KHDC1: variants seen among roughly 807,000 people sequenced by gnomAD.
KHDC1 encodes the protein KH domain containing 1.
A neutral mutation model predicts 24.7 loss-of-function variants in KHDC1; 21 were observed. The ratio of observed to expected loss-of-function variants is 0.85; its 90% confidence interval spans 0.60 to 1.23. The LOEUF is 1.23. KHDC1 is among the 50% of genes most tolerant of loss of function. The pLI is 0.00. For synonymous variants in KHDC1, 98 were observed against 111.7 expected (o/e 0.88, Z 0.77); for missense variants, 274 against 298.5 (o/e 0.92, Z 0.61).
intron 1 of KHDC1, among the ~76,000 whole-genome samples, chr6:73,295,499 T>C (rs1767740845): frequency 6.6e-6 from 1 of 151,566 alleles, no homozygotes; most frequent in Admixed American, 6.6e-5. Context: ...ACTCAGGAGT[T>C]TGAGACCAGC....
chr6:73,286,149 C>T (rs920694027), intron 2 of KHDC1, among the ~76,000 whole-genome samples: 1 of 152,192 alleles, frequency 6.6e-6, no homozygotes, highest in Non-Finnish European at 1.5e-5. Flanking sequence ...ATCCTGCTGC[C>T]AAACCATACC....
At chr6:73,241,687 T>G in exon 5 of KHDC1, 1 of 1,614,146 alleles carries the variant, frequency 6.2e-7, no homozygotes. Context: ...AGGTCATCGT[T>G]GGTCAGAGGC....
chr6:73,263,952 A>T (rs1210992397), intron 2 of KHDC1, among the ~76,000 whole-genome samples: 1 of 152,198 alleles, frequency 6.6e-6, no homozygotes, highest in Non-Finnish European at 1.5e-5. Context: ...TAATCCCAAC[A>T]CTTTGGGAGG....
intron 2 of KHDC1, chr6:73,291,970 G>C: frequency 6.2e-7 from 1 of 1,612,838 alleles, no homozygotes; most frequent in Non-Finnish European, 8.5e-7. Context: ...AGATGGCGGG[G>C]TACGACTTAA....
At chr6:73,278,257 T>TC (rs1441708932) in intron 2 of KHDC1, among the ~76,000 whole-genome samples, 3 of 151,432 alleles carry the variant, frequency 2.0e-5, no homozygotes, top group Non-Finnish European at 2.9e-5. Flanking sequence ...CCTCAAGTGA[T>TC]CCCCCCACCT....
chr6:73,263,289 G>A (rs1205208674), intron 2 of KHDC1, 93 bp from the exon 1 acceptor site: 5 of 985,528 alleles, frequency 5.1e-6, no homozygotes, highest in Non-Finnish European at 4.8e-6. Flanking sequence ...AGCCTGCGGA[G>A]CCCACTGCCG....
At chr6:73,242,458 A>C in exon 3 of KHDC1, 1 of 1,614,202 alleles carries the variant, frequency 6.2e-7, no homozygotes. Flanking sequence ...TTGGTGCATG[A>C]AAGTTTTGAG....
At chr6:73,284,688 A>G (rs1466860808) in intron 2 of KHDC1, 1 of 152,076 alleles carries the variant, frequency 6.6e-6, no homozygotes, top group Admixed American at 6.6e-5. Context: ...GATGATTACA[A>G]CATTGCTGGA....
intron 2 of KHDC1, among the ~76,000 whole-genome samples, chr6:73,256,839 C>T (rs1368964502): frequency 6.6e-6 from 1 of 152,164 alleles, no homozygotes; most frequent in African/African-American, 2.4e-5. Context: ...TCTCCTCATG[C>T]TAAGGTTTAT....
rs539979246 is a variant in KHDC1 at position 73,285,649 on chromosome 6, C to CT, written c.206+6348dup. 4.0e-3 allele frequency among the ~76,000 whole-genome samples: 514 copies of CT among 130,064 alleles called. 2 individuals carry two copies. Among genetic ancestry groups the CT allele is most frequent in the East Asian group, 0.032 (123 of 3,866 alleles). 85.3% of individuals were successfully genotyped at this position (130,064 alleles called of 152,430 possible). A position where few individuals can be genotyped will look rare whatever the true frequency, so the allele number is the denominator to read the frequency against. ...GTGCCCGGCCCATTTTCTTTTTTTT[C>CT]TTTTTTTTTTTTTTTTATTATACTC... On this transcript the variant is annotated intron_variant, in intron 2 of 4. Coordinates refer to ENST00000370384, the Ensembl canonical transcript of KHDC1.
intron 2 of KHDC1, among the ~76,000 whole-genome samples, chr6:73,265,934 T>G (rs12154185): frequency 0.076 from 11,552 of 152,022 alleles, 495 homozygotes; most frequent in Non-Finnish European, 0.091. Flanking sequence ...TTCTTTTTTT[T>G]GGGGGGAGAC....
intron 2 of KHDC1, among the ~76,000 whole-genome samples, chr6:73,289,975 C>CT (rs1767612655): frequency 1.3e-5 from 2 of 149,588 alleles, no homozygotes; most frequent in Admixed American, 1.3e-4. Context: ...TGGCGGGCGC[C>CT]TGTAGTCCCA....
intron 2 of KHDC1, among the ~76,000 whole-genome samples, chr6:73,247,891 T>C (rs934723865): frequency 7.0e-6 from 1 of 143,676 alleles, no homozygotes; most frequent in Non-Finnish European, 1.5e-5. Context: ...GAGAATCAAG[T>C]GGAAGTGGTA....
In KHDC1 at chr6:73,293,301, A is replaced by T. The variant is rs57715887; in HGVS notation, c.164-1261T>A. ...GAAGAAACATAAGGAAAAGATTTTA[A>T]AAAAACTCTAAAAGAAAGATGAAAT... On this transcript the variant is annotated intron_variant, in intron 1 of 4. Transcript: ENST00000370384. 8.6e-3 allele frequency: 4,689 copies of T among 547,404 alleles called. 172 individuals carry two copies. The highest frequency in any genetic ancestry group is 0.081 in the African/African-American group (4,165 of 51,410). The allele number at this position is 547,404 out of a possible 1,614,324, so 33.9% of individuals were successfully genotyped here.
At chr6:73,289,333 CAAAAA>C (rs60179008) in intron 2 of KHDC1, among the ~76,000 whole-genome samples, 7 of 62,650 alleles carry the variant, frequency 1.1e-4, no homozygotes, top group African/African-American at 2.9e-4. Context: ...GACTCCATCT[CAAAAA>C]AAAAAAAAAA....
chr6:73,254,515 A>T lies in KHDC1; in HGVS notation c.207-11985T>A, dbSNP rs1276272135. 5.4e-5 allele frequency among the ~76,000 whole-genome samples: 8 copies of T among 149,136 alleles called. No individual in the cohort carries two copies. The South Asian group carries it at 1.1e-3, about 20-fold the overall frequency. ...ATAAATAAATAAATAAATAAATAAAAGACTACGTAGCTATAAGAAATTACA... is the reference window on the plus strand; with the variant it reads ...ATAAATAAATAAATAAATAAATAAATGACTACGTAGCTATAAGAAATTACA... On this transcript the variant is annotated intron_variant, in intron 2 of 4. Coordinates refer to ENST00000370384, the Ensembl canonical transcript of KHDC1.
At chr6:73,304,595 C>A (rs1767928831) in intron 1 of KHDC1, among the ~76,000 whole-genome samples, 1 of 152,168 alleles carries the variant, frequency 6.6e-6, no homozygotes, top group South Asian at 2.1e-4. Context: ...AGCCACTGCG[C>A]CAGCCACTTT....
At chr6:73,303,882 G>A (rs958797818) in intron 1 of KHDC1, among the ~76,000 whole-genome samples, 24 of 152,068 alleles carry the variant, frequency 1.6e-4, no homozygotes, top group Non-Finnish European at 3.2e-4. Flanking sequence ...TCTTGGTTTT[G>A]AAAATTATTT....
intron 2 of KHDC1, among the ~76,000 whole-genome samples, chr6:73,287,312 C>A (rs977799834): frequency 6.6e-6 from 1 of 152,166 alleles, no homozygotes; most frequent in Non-Finnish European, 1.5e-5. Context: ...GGCCACTTAA[C>A]CCTCAGATGC....
Sources: gnomAD v4.1 joint callset for allele counts (sites outside exome capture counted in the v4.1 genomes callset) on GRCh38, gnomAD v4.1.1 for gene constraint, MANE v1.5 for transcripts, NCBI Gene and HGNC (gene_info 2026-07-23, HGNC 2026-07-21) for gene names.